The following WNT2B variants were observed in gnomAD, a reference collection of about 807,000 sequenced individuals.
The protein encoded by WNT2B is Wnt family member 2B.
Under a neutral mutation model 40.5 loss-of-function variants are expected in WNT2B, and 19 were observed. That is an observed-to-expected ratio of 0.47 (90% CI 0.33 to 0.69). The LOEUF is 0.69. Ranked by LOEUF, WNT2B falls within the 30% of genes least tolerant of loss-of-function variation. The pLI, the probability that WNT2B is intolerant of heterozygous loss-of-function variation, is 0.02. For synonymous variants in WNT2B, 220 were observed against 211.9 expected (o/e 1.04, Z -0.33); for missense variants, 467 against 556.4 (o/e 0.84, Z 1.62).
At position 112,528,471 on chromosome 1, in the gene WNT2B, A is replaced by T. The variant is rs1485156547; in HGVS notation, c.*7962A>T. 1 of 152,198 alleles carries T rather than the reference A, an allele frequency of 6.6e-6. No individual in the cohort carries two copies. Among genetic ancestry groups the T allele is most frequent in the Non-Finnish European group, 1.5e-5 (1 of 67,994 alleles). 9.4% of individuals were successfully genotyped at this position (152,198 alleles called of 1,614,324 possible). ...GCACCTATGGAAAAGCACAAGGATG[A>T]GTCCATTTGTTACAGACCCAGGGAC... is the stretch of plus-strand genomic sequence containing the variant. On this transcript the variant is annotated 3_prime_UTR_variant, in exon 5 of 5. Transcript: ENST00000369684.
At chr1:112,498,980 G>A (rs1651863354) in intron 1 of WNT2B, among the ~76,000 whole-genome samples, 2 of 152,152 alleles carry the variant, frequency 1.3e-5, no homozygotes, top group South Asian at 4.1e-4. Context: ...GGCCGAGGCA[G>A]GTGGATCACG....
intron 1 of WNT2B, among the ~76,000 whole-genome samples, chr1:112,484,246 C>CATATATATACACATATATATACATAT (rs1651332723): frequency 2.6e-5 from 3 of 116,732 alleles, no homozygotes; most frequent in African/African-American, 1.2e-4. Context: ...TATATATACA[C>CATATATATACACATATATATACATAT]ATATATATAC....
intron 1 of WNT2B, among the ~76,000 whole-genome samples, chr1:112,484,570 C>T (rs1651355741): frequency 6.6e-6 from 1 of 151,222 alleles, no homozygotes; most frequent in Admixed American, 6.6e-5. Flanking sequence ...AGCCACTGTG[C>T]CTGGCCCCCA....
At chr1:112,513,552 G>C (rs956747968) in intron 1 of WNT2B, among the ~76,000 whole-genome samples, 2 of 150,636 alleles carry the variant, frequency 1.3e-5, no homozygotes, top group Non-Finnish European at 3.0e-5. Context: ...GCAGGGGGGT[G>C]GTGGGGGGGG....
chr1:112,502,290 T>G (rs936357892), intron 1 of WNT2B, among the ~76,000 whole-genome samples: 1 of 151,656 alleles, frequency 6.6e-6, no homozygotes, highest in African/African-American at 2.4e-5. Context: ...TCCGGACAGC[T>G]CCCCGGGCCG....
chr1:112,484,292 C>CACATATATATATATATATATAT (rs1557909965), intron 1 of WNT2B, among the ~76,000 whole-genome samples: 3 of 79,382 alleles, frequency 3.8e-5, no homozygotes, highest in South Asian at 8.0e-4. Context: ...TATATATATA[C>CACATATATATATATATATATAT]ACACACATAT....
chr1:112,526,279 GACC>G lies in WNT2B; in HGVS notation c.*5773_*5775del, dbSNP rs776747305. On this transcript the variant is annotated 3_prime_UTR_variant, in exon 5 of 5. Coordinates refer to ENST00000369684, the MANE Select transcript of WNT2B (RefSeq NM_024494.3). ...GCCACTATTACCACCAGTACCATGT[GACC>G]ACTATACAACATATTCCACATTTAA... is the stretch of plus-strand genomic sequence containing the variant. 10 of 781,610 alleles carry G rather than the reference GACC, an allele frequency of 1.3e-5. No homozygotes were observed. The highest frequency in any genetic ancestry group is 1.3e-4 in the East Asian group (5 of 39,372). The allele number at this position is 781,610 out of a possible 1,614,324, so 48.4% of individuals were successfully genotyped here.
At chr1:112,520,013 A>G (rs1652776542) in intron 4 of WNT2B, among the ~76,000 whole-genome samples, 1 of 151,814 alleles carries the variant, frequency 6.6e-6, no homozygotes, top group African/African-American at 2.4e-5. Flanking sequence ...CTAGGACTAC[A>G]GGCTCATGCC....
Position 112,522,612 on chromosome 1 carries a change from G to A in WNT2B, c.*2103G>A, listed in dbSNP as rs1349756664. 1.3e-5 allele frequency: 2 copies of A among 152,342 alleles called. No individual in the cohort carries two copies. The highest frequency in any genetic ancestry group is 2.9e-5 in the Non-Finnish European group (2 of 68,172). 9.4% of individuals were successfully genotyped at this position (152,342 alleles called of 1,614,324 possible). A position where few individuals can be genotyped will look rare whatever the true frequency, so the allele number is the denominator to read the frequency against. ...GGAGGTTGGGGGAGCCATAGCTCTG[G>A]GCCACGGGGGCAGATTTATTTGGAT... is the stretch of plus-strand genomic sequence containing the variant. On this transcript the variant is annotated 3_prime_UTR_variant, in exon 5 of 5. Transcript: ENST00000369684.
At chr1:112,495,472 C>T (rs1651735611) in intron 1 of WNT2B, among the ~76,000 whole-genome samples, 2 of 152,022 alleles carry the variant, frequency 1.3e-5, no homozygotes, top group Non-Finnish European at 2.9e-5. Context: ...GCCTATAGTC[C>T]CAGCTACTAG....
intron 1 of WNT2B, among the ~76,000 whole-genome samples, chr1:112,502,910 T>C (rs910470251): frequency 6.6e-6 from 1 of 152,154 alleles, no homozygotes; most frequent in African/African-American, 2.4e-5. Context: ...ATTTGAGCTT[T>C]TCAGGCAGGA....
intron 1 of WNT2B, among the ~76,000 whole-genome samples, chr1:112,493,633 G>A (rs1019882279): frequency 6.6e-6 from 1 of 151,244 alleles, no homozygotes. Context: ...AAAATAAAAC[G>A]AAACCAAAAC....
Position 112,509,590 on chromosome 1 carries a change from C to T in WNT2B, c.182+146C>T. 2.1e-6 allele frequency: 2 copies of T among 936,520 alleles called. No individual in the cohort carries two copies. The highest frequency in any genetic ancestry group is 4.0e-5 in the Admixed American group (1 of 24,764). The allele number at this position is 936,520 out of a possible 1,614,324, so 58.0% of individuals were successfully genotyped here. ...CAGGACTGTCACTGAAATCTGAAGTCGCGGGGTGGCGGGAGGGTGAGGCGC... is the reference window on the plus strand; with the variant it reads ...CAGGACTGTCACTGAAATCTGAAGTTGCGGGGTGGCGGGAGGGTGAGGCGC... On this transcript the variant is annotated intron_variant, in intron 1 of 4. Coordinates refer to ENST00000369684, the MANE Select transcript of WNT2B (RefSeq NM_024494.3). This position sits in a 1 kb window ranked among gnomAD's most constrained non-coding sequence, Gnocchi z 4.2.
rs201658677 is a variant in WNT2B, at chr1:112,520,316, C to T, written c.983C>T (p.Thr328Ile). 8 of 1,614,184 alleles carry T rather than the reference C, an allele frequency of 5.0e-6. No homozygotes were observed. The highest frequency in any genetic ancestry group is 1.6e-4 in the Middle Eastern group (1 of 6,062). The part of the protein sequence containing the change: ...LGTAGRVCSK[T>I]SKGTDGCEIM... ...ACTGCAGGCCGTGTCTGCAGCAAGA[C>T]ATCAAAAGGAACAGACGGTTGTGAA... The change falls in exon 5 of 5, where the codon ACA (threonine) becomes ATA (isoleucine). Residue 328 changes from threonine (T) to isoleucine (I), a missense_variant. Thr to Ile is a moderately conservative substitution (Grantham distance 89). Transcript: ENST00000369684.
chr1:112,509,240 G>A lies in WNT2B; in HGVS notation c.-23G>A, dbSNP rs1189502257. On this transcript the variant is annotated 5_prime_UTR_variant, in exon 1 of 5. Coordinates refer to ENST00000369684, the MANE Select transcript of WNT2B (RefSeq NM_024494.3). This position sits in a 1 kb window ranked among gnomAD's most constrained non-coding sequence, Gnocchi z 4.2. ...CCCCGTCCACGCCCCTCCGGGCTGC[G>A]CGGCGGGAGTCTTCGGGGAGCTATG... The A allele has an allele frequency of 6.7e-7, 1 of 1,499,650 alleles. No individual in the cohort carries two copies. Among genetic ancestry groups the A allele is most frequent in the Non-Finnish European group, 8.8e-7 (1 of 1,132,024 alleles). The allele number at this position is 1,499,650 out of a possible 1,614,324, so 92.9% of individuals were successfully genotyped here. A position where few individuals can be genotyped will look rare whatever the true frequency, so the allele number is the denominator to read the frequency against.
rs1188486164 is a variant in WNT2B at position 112,509,023 on chromosome 1, C to G, written c.-240C>G. On this transcript the variant is annotated 5_prime_UTR_variant, in exon 1 of 5. Transcript: ENST00000369684. This position sits in a 1 kb window ranked among gnomAD's most constrained non-coding sequence, Gnocchi z 4.2. ...AGACCCCCTGACACCGCACCCGGTCCTCAGGCAGCGCGCCCCAGACCCCGG... is the reference window on the plus strand; with the variant it reads ...AGACCCCCTGACACCGCACCCGGTCGTCAGGCAGCGCGCCCCAGACCCCGG... The G allele has an allele frequency of 1.3e-5, 18 of 1,349,724 alleles. No homozygotes were observed. The highest frequency in any genetic ancestry group is 1.7e-5 in the Non-Finnish European group (18 of 1,060,184). 83.6% of individuals were successfully genotyped at this position (1,349,724 alleles called of 1,614,324 possible).
rs1650882659 is a variant in WNT2B, at chr1:112,471,607, T to C, written c.-95+4016T>C. ...TGCCGTCACTTCCATGAGTTTATGC[T>C]AGCCACGCCAATAGGAATAGCTTCT... On this transcript the variant is annotated intron_variant, in intron 1 of 4. Coordinates refer to the WNT2B transcript ENST00000256640. Among the ~76,000 whole-genome samples, 3 of 152,212 alleles carry C rather than the reference T, an allele frequency of 2.0e-5. No individual in the cohort carries two copies. In the South Asian group the frequency reaches 6.2e-4, roughly 32 times the overall value.
chr1:112,481,335 G>GA lies in WNT2B; in HGVS notation c.-95+13750dup, dbSNP rs747935238. Reference sequence around the variant, plus strand: ...AAATGTGATTATCTCAATAGATGCAGAAAAAACGTTTGGCAAAGTACAATA... The same window carrying GA: ...AAATGTGATTATCTCAATAGATGCAGAAAAAAACGTTTGGCAAAGTACAATA... On this transcript the variant is annotated intron_variant, in intron 1 of 4. Coordinates refer to the WNT2B transcript ENST00000256640. Among the ~76,000 whole-genome samples the GA allele has an allele frequency of 2.4e-4, 36 of 152,112 alleles. 1 individual carries two copies. The highest frequency in any genetic ancestry group is 4.7e-4 in the Non-Finnish European group (32 of 68,020).
chr1:112,493,307 G>C (rs970573496), intron 1 of WNT2B, among the ~76,000 whole-genome samples: 3 of 152,158 alleles, frequency 2.0e-5, no homozygotes, highest in African/African-American at 7.2e-5. Context: ...TGCACATAAG[G>C]CTACCTCAAA....
Sources: gnomAD v4.1 joint callset for allele counts (sites outside exome capture counted in the v4.1 genomes callset) on GRCh38, gnomAD v4.1.1 for gene constraint, Gnocchi (gnomAD v3.1) non-coding constraint, MANE v1.5 for transcripts, NCBI Gene and HGNC (gene_info 2026-07-23, HGNC 2026-07-21) for gene names.